SRSF11: variants seen among roughly 807,000 people sequenced by gnomAD.
SRSF11 encodes serine/arginine-rich splicing factor 11.
Under a neutral mutation model 56.0 loss-of-function variants are expected in SRSF11, and 9 were observed. The observed-to-expected ratio is 0.16, with a 90% CI of 0.10 to 0.28. The LOEUF (loss-of-function observed/expected upper bound fraction) is 0.28, where lower values mean the gene tolerates loss of function less well. Among genes scored for constraint, SRSF11 ranks in the 10% least tolerant of loss-of-function variants. The pLI is 1.00. For synonymous variants in SRSF11, 222 were observed against 215.3 expected (o/e 1.03, Z -0.27); for missense variants, 421 against 600.7 (o/e 0.70, Z 3.13).
At chr1:70,221,892 T>C in intron 1 of SRSF11, 53 bp downstream of exon 1, 1 of 1,604,158 alleles carries the variant, frequency 6.2e-7, no homozygotes, top group Non-Finnish European at 8.5e-7. Context: ...AGCCTGGGCC[T>C]AACACACACA....
intron 7 of SRSF11, among the ~76,000 whole-genome samples, chr1:70,241,485 C>T (rs1045401208): frequency 6.6e-6 from 1 of 152,172 alleles, no homozygotes. Flanking sequence ...AACCCAAATA[C>T]AGATCATGTC....
chr1:70,221,903 A>G (rs1474309502), intron 1 of SRSF11, 64 bp downstream of exon 1: 3 of 1,595,700 alleles, frequency 1.9e-6, no homozygotes, highest in African/African-American at 1.3e-5. Context: ...AACACACACA[A>G]TTTCCTTAGG....
chr1:70,222,166 C>A (rs1298328321), intron 1 of SRSF11, among the ~76,000 whole-genome samples: 3 of 151,548 alleles, frequency 2.0e-5, no homozygotes, highest in African/African-American at 7.3e-5. Flanking sequence ...TAGGTTAAAT[C>A]CCTTTTTTAA....
At position 70,221,694 on chromosome 1, in the gene SRSF11, G is replaced by T; in HGVS notation, c.58G>T (p.Gly20Cys). The change falls in exon 1 of 12, where the codon GGT becomes TGT. Residue 20 changes from glycine to cysteine, a missense_variant. This residue lies in a region of SRSF11 where 168 missense variants were observed against 294.9 expected (regional missense o/e 0.57). Transcript: ENST00000370949. ...TAGPGPSGGPGGGGGGGGGGG... is the reference protein window; with the variant it reads ...TAGPGPSGGPCGGGGGGGGGG... ...AGGTCCGGGCCCCAGCGGCGGGCCC[G>T]GTGGCGGAGGTGGTGGTGGCGGCGG... 6.2e-7 allele frequency: 1 copy of T among 1,612,600 alleles called. No individual in the cohort carries two copies. The highest frequency in any genetic ancestry group is 1.1e-5 in the South Asian group (1 of 91,000).
intron 8 of SRSF11, among the ~76,000 whole-genome samples, chr1:70,245,917 A>G (rs1222190176): frequency 6.6e-6 from 1 of 152,202 alleles, no homozygotes; most frequent in African/African-American, 2.4e-5. Flanking sequence ...TATGGAAGGC[A>G]TGACTGGGAC....
Position 70,251,497 on chromosome 1 carries a change from G to A in SRSF11, c.*692G>A, listed in dbSNP as rs1016139866. ...CAGTGAGTAAATAGCATATTTTGAA[G>A]TAGAGTTGTATACTTTTTCATAAGA... On this transcript the variant is annotated 3_prime_UTR_variant, in exon 12 of 12. Transcript: ENST00000370949. 1.3e-5 allele frequency: 2 copies of A among 152,420 alleles called. No individual in the cohort carries two copies. Among genetic ancestry groups the A allele is most frequent in the African/African-American group, 4.8e-5 (2 of 41,412 alleles). The allele number at this position is 152,420 out of a possible 1,614,324, so 9.4% of individuals were successfully genotyped here. A position where few individuals can be genotyped will look rare whatever the true frequency, so the allele number is the denominator to read the frequency against.
chr1:70,214,648 G>T (rs1391498868), intron 1 of SRSF11, among the ~76,000 whole-genome samples: 1 of 152,040 alleles, frequency 6.6e-6, no homozygotes, highest in African/African-American at 2.4e-5. Context: ...ATAAACACAG[G>T]TAGACTTTTT....
At chr1:70,234,487 C>G (rs1673515698) in intron 3 of SRSF11, among the ~76,000 whole-genome samples, 1 of 151,956 alleles carries the variant, frequency 6.6e-6, no homozygotes, top group Non-Finnish European at 1.5e-5. Flanking sequence ...GTTATTGGAC[C>G]ACAGCCATTT....
chr1:70,247,965 T>C (rs1337781933), intron 9 of SRSF11, among the ~76,000 whole-genome samples: 1 of 152,078 alleles, frequency 6.6e-6, no homozygotes, highest in Non-Finnish European at 1.5e-5. Flanking sequence ...CAGTGAGATA[T>C]GTCACAGTCA....
At chr1:70,248,708 G>T (rs1321455945) in intron 9 of SRSF11, 1 of 151,818 alleles carries the variant, frequency 6.6e-6, no homozygotes, top group Non-Finnish European at 1.5e-5. Flanking sequence ...ACTTGTAAGT[G>T]CCTTCTCATG....
chr1:70,214,734 C>T (rs1669854669), intron 1 of SRSF11, among the ~76,000 whole-genome samples: 1 of 152,054 alleles, frequency 6.6e-6, no homozygotes, highest in Non-Finnish European at 1.5e-5. Context: ...TCCTTATCCT[C>T]TCCCCTTCAT....
rs1280755640 is a variant in SRSF11 at position 70,251,668 on chromosome 1, A to T, written c.*863A>T. On this transcript the variant is annotated 3_prime_UTR_variant, in exon 12 of 12. Transcript: ENST00000370949. Reference sequence around the variant, plus strand: ...ATTTTGAATTTTCCACTCTTTCATTAATTTGTTTTAAGCTCCGTGTTGGAA... The same window carrying T: ...ATTTTGAATTTTCCACTCTTTCATTTATTTGTTTTAAGCTCCGTGTTGGAA... The T allele has an allele frequency of 6.6e-6, 1 of 152,544 alleles. No homozygotes were observed. Among genetic ancestry groups the T allele is most frequent in the African/African-American group, 2.4e-5 (1 of 41,442 alleles). The allele number at this position is 152,544 out of a possible 1,614,324, so 9.4% of individuals were successfully genotyped here. A position where few individuals can be genotyped will look rare whatever the true frequency, so the allele number is the denominator to read the frequency against.
At chr1:70,230,837 A>G (rs1672721888) in intron 2 of SRSF11, 1 of 1,169,628 alleles carries the variant, frequency 8.5e-7, no homozygotes, top group Admixed American at 4.2e-5. Flanking sequence ...TTGAGACATA[A>G]TTTTGCATGC....
chr1:70,213,147 G>A (rs1011419594), intron 1 of SRSF11, among the ~76,000 whole-genome samples: 2 of 152,118 alleles, frequency 1.3e-5, no homozygotes, highest in African/African-American at 4.8e-5. Context: ...CCTACGTGTT[G>A]GGCACTCTGC....
At chr1:70,209,051 G>C (rs999444303) in intron 1 of SRSF11, among the ~76,000 whole-genome samples, 1 of 152,132 alleles carries the variant, frequency 6.6e-6, no homozygotes, top group African/African-American at 2.4e-5. Flanking sequence ...GTGATGAAAG[G>C]CTTCCCTCTT....
intron 1 of SRSF11, among the ~76,000 whole-genome samples, chr1:70,207,721 GTTCTT>G (rs1202664318): frequency 1.4e-5 from 2 of 141,344 alleles, no homozygotes; most frequent in Admixed American, 7.3e-5. Context: ...TTCTTCTTTC[GTTCTT>G]TTTTTTTTTT....
At chr1:70,229,066 C>A in intron 2 of SRSF11, 2 of 1,096,202 alleles carry the variant, frequency 1.8e-6, no homozygotes, top group South Asian at 2.2e-5. Context: ...CGTGAAAGTT[C>A]AAGATTTCCT....
At chr1:70,232,486 A>G in intron 3 of SRSF11, 109 bp downstream of exon 3, 2 of 761,958 alleles carry the variant, frequency 2.6e-6, no homozygotes, top group East Asian at 5.0e-5. Flanking sequence ...TTCAGATAGC[A>G]TTATCACATG....
intron 1 of SRSF11, among the ~76,000 whole-genome samples, chr1:70,209,312 A>G (rs1669327567): frequency 1.3e-5 from 2 of 152,228 alleles, no homozygotes; most frequent in Non-Finnish European, 2.9e-5. Flanking sequence ...ATTTGCAAGC[A>G]CACTTGTTTA....
Sources: allele counts gnomAD v4.1 joint callset (sites outside exome capture counted in the v4.1 genomes callset), GRCh38; gene constraint gnomAD v4.1.1; regional missense constraint gnomAD v4.1.1; transcripts MANE v1.5; gene names NCBI Gene and HGNC (gene_info 2026-07-23, HGNC 2026-07-21).